IMMP2L: variants seen among roughly 807,000 people sequenced by gnomAD.
The protein encoded by IMMP2L is mitochondrial inner membrane protease subunit 2.
IMMP2L carries 18 observed loss-of-function variants against 19.3 expected under a neutral mutation model. The ratio of observed to expected loss-of-function variants is 0.93; its 90% CI spans 0.64 to 1.38. The LOEUF (loss-of-function observed/expected upper bound fraction) is 1.38, where lower values mean the gene tolerates loss of function less well. Among genes scored for constraint, IMMP2L ranks in the 40% most tolerant of loss-of-function variants. The pLI, the probability that IMMP2L is intolerant of heterozygous loss-of-function variation, is 0.00. For synonymous variants in IMMP2L, 76 were observed against 73.0 expected (o/e 1.04, Z -0.21); for missense variants, 233 against 218.2 (o/e 1.07, Z -0.43).
At chr7:110,861,098 T>TGTGAGAGAGAGAGAGAGAGAGAGAGA (rs780880935) in intron 5 of IMMP2L, among the ~76,000 whole-genome samples, 1 of 141,630 alleles carries the variant, frequency 7.1e-6, no homozygotes, top group African/African-American at 2.7e-5. Flanking sequence ...TGTGTGTGTG[T>TGTGAGAGAGAGAGAGAGAGAGAGAGA]GAGAGAGAGA....
intron 5 of IMMP2L, among the ~76,000 whole-genome samples, chr7:110,796,743 A>G (rs1207744636): frequency 6.6e-6 from 1 of 152,064 alleles, no homozygotes; most frequent in Admixed American, 6.6e-5. Flanking sequence ...CTGCTTACCT[A>G]GAAAGCAAGA....
intron 3 of IMMP2L, among the ~76,000 whole-genome samples, chr7:111,169,899 T>A (rs548628256): frequency 2.6e-5 from 4 of 152,038 alleles, no homozygotes; most frequent in African/African-American, 9.6e-5. Context: ...TCTTTTATTG[T>A]CTCCTTTTGT....
chr7:110,828,653 G>A (rs1477602265), intron 5 of IMMP2L, among the ~76,000 whole-genome samples: 20 of 152,042 alleles, frequency 1.3e-4, no homozygotes, highest in Admixed American at 1.3e-3. Flanking sequence ...ATGAAGATGG[G>A]GCAAGCCTAG....
chr7:111,322,684 C>A (rs772357705), intron 3 of IMMP2L, among the ~76,000 whole-genome samples: 1 of 151,392 alleles, frequency 6.6e-6, no homozygotes, highest in Non-Finnish European at 1.5e-5. Flanking sequence ...CAGATCACGA[C>A]GCAAAATCTC....
At chr7:111,010,365 A>C (rs1279724625) in intron 3 of IMMP2L, among the ~76,000 whole-genome samples, 1 of 152,134 alleles carries the variant, frequency 6.6e-6, no homozygotes, top group Non-Finnish European at 1.5e-5. Context: ...ATTTTCATGG[A>C]GATAGATCTT....
intron 3 of IMMP2L, among the ~76,000 whole-genome samples, chr7:111,259,433 T>C (rs867083552): frequency 2.8e-4 from 43 of 152,292 alleles, no homozygotes; most frequent in Middle Eastern, 3.4e-3. Flanking sequence ...CCAGGAATTT[T>C]AGACCAGCCT....
At chr7:111,310,526 G>A (rs1359364813) in intron 3 of IMMP2L, among the ~76,000 whole-genome samples, 2 of 152,028 alleles carry the variant, frequency 1.3e-5, no homozygotes, top group Non-Finnish European at 2.9e-5. Flanking sequence ...ATTGCTTTAA[G>A]CACTAATTAA....
chr7:111,106,633 G>T (rs1798579556), intron 3 of IMMP2L, among the ~76,000 whole-genome samples: 1 of 149,618 alleles, frequency 6.7e-6, no homozygotes, highest in Admixed American at 6.7e-5. Flanking sequence ...GCTAAGAGAT[G>T]TGAGGGACTT....
chr7:110,868,779 A>G (rs1585083240), intron 5 of IMMP2L, among the ~76,000 whole-genome samples: 2 of 151,928 alleles, frequency 1.3e-5, no homozygotes, highest in African/African-American at 4.8e-5. Flanking sequence ...TACACATACA[A>G]TTTTCCTTGA....
chr7:111,055,172 T>C (rs1223631847), intron 3 of IMMP2L, among the ~76,000 whole-genome samples: 1 of 151,956 alleles, frequency 6.6e-6, no homozygotes, highest in Non-Finnish European at 1.5e-5. Context: ...CATCTCAGCC[T>C]CCGAGTAGCT....
intron 3 of IMMP2L, among the ~76,000 whole-genome samples, chr7:111,251,965 G>T (rs1439241454): frequency 6.6e-6 from 1 of 151,828 alleles, no homozygotes; most frequent in Non-Finnish European, 1.5e-5. Flanking sequence ...TATTAAACTT[G>T]TCTAAAGGTT....
At chr7:111,540,152 G>C (rs1179079985) in intron 1 of IMMP2L, among the ~76,000 whole-genome samples, 2 of 152,102 alleles carry the variant, frequency 1.3e-5, no homozygotes, top group African/African-American at 4.8e-5. Context: ...TAAAGGAAAA[G>C]ATCCACCAAA....
chr7:111,505,621 C>G lies in IMMP2L; in HGVS notation c.135+15692G>C, dbSNP rs573767263. ...TTAAGAAAATGTGGCACATATACAC[C>G]ATGGAATACTATGCAGCCATAAAAA... On this transcript the variant is annotated intron_variant, in intron 2 of 5. Coordinates refer to ENST00000405709, the MANE Select transcript of IMMP2L (RefSeq NM_032549.4). Among the ~76,000 whole-genome samples the G allele has an allele frequency of 6.3e-3, 954 of 152,174 alleles. 10 individuals are homozygous for G. The highest frequency in any genetic ancestry group is 0.02 in the African/African-American group (841 of 41,522).
At chr7:111,540,902 G>A (rs904640843) in intron 1 of IMMP2L, among the ~76,000 whole-genome samples, 4 of 152,030 alleles carry the variant, frequency 2.6e-5, no homozygotes, top group Middle Eastern at 3.2e-3. Flanking sequence ...GAAAATAAGC[G>A]GCCAGATCAG....
At chr7:111,026,200 T>G (rs529782072) in intron 3 of IMMP2L, among the ~76,000 whole-genome samples, 166 of 152,294 alleles carry the variant, frequency 1.1e-3, no homozygotes, top group Non-Finnish European at 1.9e-3. Context: ...CATTGTATAA[T>G]TTTACCTTCA....
intron 5 of IMMP2L, among the ~76,000 whole-genome samples, chr7:110,681,091 G>C (rs952663201): frequency 3.9e-5 from 6 of 151,952 alleles, no homozygotes; most frequent in Non-Finnish European, 8.8e-5. Flanking sequence ...AATGGGTTTG[G>C]GTTGGTAGGC....
At chr7:111,300,618 G>A (rs1265131370) in intron 3 of IMMP2L, among the ~76,000 whole-genome samples, 1 of 151,908 alleles carries the variant, frequency 6.6e-6, no homozygotes, top group Non-Finnish European at 1.5e-5. Context: ...AACTCCTTCC[G>A]CACCCATCCC....
chr7:111,194,988 G>T (rs901473192), intron 3 of IMMP2L, among the ~76,000 whole-genome samples: 5 of 152,106 alleles, frequency 3.3e-5, no homozygotes, highest in Admixed American at 2.0e-4. Context: ...ATGTGTTTCA[G>T]TGAATTGTTT....
At chr7:110,756,962 G>A (rs1798075381) in intron 5 of IMMP2L, among the ~76,000 whole-genome samples, 1 of 151,902 alleles carries the variant, frequency 6.6e-6, no homozygotes, top group Non-Finnish European at 1.5e-5. Flanking sequence ...TTATTTGTAT[G>A]TATTTATACA....
Sources: allele counts gnomAD v4.1 joint callset (sites outside exome capture counted in the v4.1 genomes callset), GRCh38; gene constraint gnomAD v4.1.1; transcripts MANE v1.5; gene names NCBI Gene and HGNC (gene_info 2026-07-23, HGNC 2026-07-21).